The following FRMPD4 variants were observed in gnomAD, a reference collection of about 807,000 sequenced individuals.
FRMPD4 encodes the protein FERM and PDZ domain-containing protein 4.
A neutral mutation model predicts 94.1 loss-of-function variants in FRMPD4; 22 were observed. The ratio of observed to expected loss-of-function variants is 0.23; its 90% CI spans 0.17 to 0.33. The LOEUF (loss-of-function observed/expected upper bound fraction) is 0.33. FRMPD4 is among the 10% of genes least tolerant of loss of function. The pLI is 1.00. For missense variants in FRMPD4, 1,111 were observed against 1,339.9 expected, an observed-to-expected ratio of 0.83 and a Z score of 2.67; for synonymous variants, 631 against 548.6, an observed-to-expected ratio of 1.15 and a Z score of -2.10.
intron 1 of FRMPD4, among the ~76,000 whole-genome samples, chrX:12,167,237 A>T (rs1380717055): frequency 9.0e-6 from 1 of 111,652 alleles, no homozygotes; most frequent in Non-Finnish European, 1.9e-5. Flanking sequence ...TGTCCCAGAG[A>T]TTCTGGTATG....
chrX:12,038,627 G>A (rs1394196318), intron 3 of FRMPD4, among the ~76,000 whole-genome samples: 1 of 111,730 alleles, frequency 9.0e-6, no homozygotes, highest in Non-Finnish European at 1.9e-5. Context: ...ATTCTCCTAT[G>A]TTCTCCCCTA....
chrX:12,397,276 C>A (rs1444595840), intron 1 of FRMPD4, among the ~76,000 whole-genome samples: 1 of 109,938 alleles, frequency 9.1e-6, no homozygotes, highest in Non-Finnish European at 1.9e-5. Flanking sequence ...AAAAAAAATA[C>A]ATGTTTATAA....
At chrX:12,178,407 G>A (rs1468885191) in intron 1 of FRMPD4, among the ~76,000 whole-genome samples, 1 of 112,005 alleles carries the variant, frequency 8.9e-6, no homozygotes, top group East Asian at 2.8e-4. Context: ...TCAGGTCATT[G>A]CTACTCTAGT....
chrX:12,712,740 A>G lies in FRMPD4; in HGVS notation c.1609+2203A>G, dbSNP rs182785433. On this transcript the variant is annotated intron_variant, in intron 14 of 16. Transcript: ENST00000675598. ...AACATTTTTATGACCACATGTTTTC[A>G]TTGAGCTAGGAGATTTAGAGCAATT... Among the ~76,000 whole-genome samples, 33 of 111,737 alleles carry G rather than the reference A, an allele frequency of 3.0e-4. 1 individual carries two copies. The East Asian group carries it at 5.3e-3, about 18-fold the overall frequency.
At chrX:12,402,199 T>C (rs1373655800) in intron 1 of FRMPD4, among the ~76,000 whole-genome samples, 1 of 111,326 alleles carries the variant, frequency 9.0e-6, no homozygotes. Context: ...CTCTGCAGTC[T>C]TTTGTAACCC....
chrX:12,583,298 A>C (rs1308306031), intron 2 of FRMPD4: 1 of 410,849 alleles, frequency 2.4e-6, no homozygotes, highest in Admixed American at 4.1e-5. Context: ...AACCCTCATC[A>C]AATTGTAAAC....
intron 1 of FRMPD4, among the ~76,000 whole-genome samples, chrX:12,341,877 T>C (rs770752517): frequency 8.9e-6 from 1 of 112,336 alleles, no homozygotes; most frequent in South Asian, 3.7e-4. Flanking sequence ...TGGATCACCA[T>C]AGTTAATCAG....
chrX:12,205,049 T>C (rs1244789333), intron 1 of FRMPD4, among the ~76,000 whole-genome samples: 5 of 105,288 alleles, frequency 4.7e-5, no homozygotes, highest in Admixed American at 2.1e-4. Context: ...CCAGTAGTGC[T>C]CTTCAACCAA....
At chrX:12,216,433 A>T (rs1384899734) in intron 1 of FRMPD4, among the ~76,000 whole-genome samples, 2 of 111,521 alleles carry the variant, frequency 1.8e-5, no homozygotes. Context: ...CGCACCAACT[A>T]CTTCTGTATT....
At chrX:12,003,847 T>C (rs2054537165) in intron 3 of FRMPD4, among the ~76,000 whole-genome samples, 1 of 112,555 alleles carries the variant, frequency 8.9e-6, no homozygotes, top group Non-Finnish European at 1.9e-5. Flanking sequence ...ACAATTTTTT[T>C]CATTATGCTT....
At chrX:12,665,431 G>A (rs1307831338) in intron 4 of FRMPD4, among the ~76,000 whole-genome samples, 4 of 95,017 alleles carry the variant, frequency 4.2e-5, no homozygotes, top group African/African-American at 1.4e-4. Context: ...GCAACAGAGC[G>A]AGACTCCGTC....
At chrX:11,925,213 C>T (rs1189005931) in intron 3 of FRMPD4, among the ~76,000 whole-genome samples, 1 of 110,464 alleles carries the variant, frequency 9.1e-6, no homozygotes, top group East Asian at 2.8e-4. Context: ...ATCTAAGTAT[C>T]CTAAATATAT....
At chrX:12,408,950 G>T (rs2056699294) in intron 1 of FRMPD4, among the ~76,000 whole-genome samples, 1 of 110,895 alleles carries the variant, frequency 9.0e-6, no homozygotes, top group African/African-American at 3.3e-5. Flanking sequence ...GTAGAGAGTG[G>T]AACACCCTGA....
chrX:12,651,528 G>A (rs954362779), intron 4 of FRMPD4, among the ~76,000 whole-genome samples: 1 of 109,913 alleles, frequency 9.1e-6, no homozygotes, highest in Non-Finnish European at 1.9e-5. Flanking sequence ...CAGTCACATT[G>A]CTTGCTGCTG....
intron 2 of FRMPD4, among the ~76,000 whole-genome samples, chrX:12,541,704 A>G (rs1224574207): frequency 3.6e-5 from 4 of 112,183 alleles, no homozygotes; most frequent in Non-Finnish European, 7.5e-5. Context: ...TATTCCAATC[A>G]ATAGAGAAAG....
intron 2 of FRMPD4, among the ~76,000 whole-genome samples, chrX:12,544,053 A>T (rs2058447379): frequency 2.1e-5 from 2 of 93,242 alleles, no homozygotes; most frequent in Admixed American, 1.3e-4. Flanking sequence ...ACTTGGACAC[A>T]GGAAGGGGAA....
intron 1 of FRMPD4, among the ~76,000 whole-genome samples, chrX:12,246,325 G>C (rs1006295190): frequency 8.9e-6 from 1 of 111,939 alleles, no homozygotes; most frequent in African/African-American, 3.2e-5. Flanking sequence ...GAAGAGCTTC[G>C]ATTTTCCACC....
chrX:12,601,419 C>A (rs955311224), intron 2 of FRMPD4, among the ~76,000 whole-genome samples: 1 of 111,770 alleles, frequency 8.9e-6, no homozygotes, highest in Non-Finnish European at 1.9e-5. Context: ...TCCCAAAGGA[C>A]AGAGGCAGTA....
intron 3 of FRMPD4, among the ~76,000 whole-genome samples, chrX:12,057,570 T>C (rs1331394661): frequency 9.0e-6 from 1 of 111,629 alleles, no homozygotes; most frequent in Non-Finnish European, 1.9e-5. Flanking sequence ...AGAGTGTTTG[T>C]TTTCTATTCC....
Sources: allele counts gnomAD v4.1 joint callset (sites outside exome capture counted in the v4.1 genomes callset), GRCh38; gene constraint gnomAD v4.1.1; transcripts MANE v1.5; gene names NCBI Gene and HGNC (gene_info 2026-07-23, HGNC 2026-07-21).